The following DCDC1 variants were observed in gnomAD, a reference collection of about 807,000 sequenced individuals.
DCDC1 encodes doublecortin domain containing 1, also known as doublecortin domain-containing protein 1.
A neutral mutation model predicts 178.3 loss-of-function variants in DCDC1; 200 were observed. That is an observed-to-expected ratio of 1.12 (90% CI 1.00 to 1.26). The LOEUF (loss-of-function observed/expected upper bound fraction) is 1.26. Among genes scored for constraint, DCDC1 ranks in the 50% most tolerant of loss-of-function variants. DCDC1 has a pLI of 0.00. For missense variants in DCDC1, 1,983 were observed against 1,749.2 expected, an observed-to-expected ratio of 1.13 and a Z score of -2.38; for synonymous variants, 690 against 604.8, an observed-to-expected ratio of 1.14 and a Z score of -2.07.
At chr11:31,289,092 A>C (rs1419756499) in intron 7 of DCDC1, among the ~76,000 whole-genome samples, 1 of 152,040 alleles carries the variant, frequency 6.6e-6, no homozygotes, top group East Asian at 1.9e-4. Context: ...ATCCAGTTTT[A>C]AATAAATTCC....
intron 3 of DCDC1, among the ~76,000 whole-genome samples, chr11:31,325,022 T>TA (rs1454173135): frequency 2.0e-5 from 3 of 152,164 alleles, no homozygotes; most frequent in Non-Finnish European, 4.4e-5. Context: ...GCCAGCAGGA[T>TA]AAAAAATACT....
At chr11:31,208,642 A>G (rs1972140661) in intron 9 of DCDC1, among the ~76,000 whole-genome samples, 1 of 152,078 alleles carries the variant, frequency 6.6e-6, no homozygotes, top group Non-Finnish European at 1.5e-5. Flanking sequence ...TGCTCCACAA[A>G]GCTCTCTATG....
intron 15 of DCDC1, among the ~76,000 whole-genome samples, chr11:31,094,841 C>A (rs909995095): frequency 1.1e-4 from 17 of 151,898 alleles, no homozygotes; most frequent in Non-Finnish European, 1.9e-4. Context: ...ATGTGCAGAA[C>A]AAACAGGTTT....
chr11:30,922,549 T>C lies in DCDC1; in HGVS notation c.3087A>G (p.Ser1029=), dbSNP rs757394430. The C allele has an allele frequency of 6.3e-7, 1 of 1,583,490 alleles. No individual in the cohort carries two copies. Among genetic ancestry groups the C allele is most frequent in the Admixed American group, 1.9e-5 (1 of 52,660 alleles). Residue 1029 remains serine, a synonymous_variant, in exon 24 of 39, where the codon TCA becomes TCG. Transcript: ENST00000684477. ...KKQIFLRNLE[S]DIAKIQIFCS... ...AGAAGATTTGAATTTTGGCAATGTCTGATTCTAGGTTCCTCAGGAATATTT... is the reference window on the plus strand; with the variant it reads ...AGAAGATTTGAATTTTGGCAATGTCCGATTCTAGGTTCCTCAGGAATATTT...
At chr11:31,336,531 A>T (rs1006377968) in intron 1 of DCDC1, among the ~76,000 whole-genome samples, 14 of 152,220 alleles carry the variant, frequency 9.2e-5, no homozygotes, top group Non-Finnish European at 1.8e-4. Context: ...TGATTTTTTT[A>T]AAAAGACAAT....
rs1000513588 is a variant in DCDC1 at position 31,364,690 on chromosome 11, A to G, written c.-125+5007T>C. ...CAAACTCAACGAAAGTTCATCGATGATGACTATTGTCAAAATGGCAAAGCA... is the reference window on the plus strand; with the variant it reads ...CAAACTCAACGAAAGTTCATCGATGGTGACTATTGTCAAAATGGCAAAGCA... On this transcript the variant is annotated intron_variant, in intron 1 of 38. Coordinates refer to ENST00000684477, the MANE Select transcript of DCDC1 (RefSeq NM_001387274.1). Among the ~76,000 whole-genome samples the G allele has an allele frequency of 2.5e-4, 38 of 152,214 alleles. 1 individual carries two copies. Among genetic ancestry groups the G allele is most frequent in the African/African-American group, 8.4e-4 (35 of 41,462 alleles).
intron 20 of DCDC1, among the ~76,000 whole-genome samples, chr11:31,046,331 T>C (rs974934967): frequency 2.0e-5 from 3 of 152,072 alleles, no homozygotes; most frequent in African/African-American, 7.2e-5. Context: ...TAACCATTCA[T>C]AGGAAAAGCC....
At chr11:31,045,449 AAC>A (rs886832186) in intron 20 of DCDC1, among the ~76,000 whole-genome samples, 11 of 151,900 alleles carry the variant, frequency 7.2e-5, no homozygotes, top group African/African-American at 2.7e-4. Flanking sequence ...CTTACAGAGA[AAC>A]AGACTTCCAA....
chr11:30,876,554 A>G (rs1286455014), intron 38 of DCDC1, among the ~76,000 whole-genome samples: 1 of 152,222 alleles, frequency 6.6e-6, no homozygotes, highest in African/African-American at 2.4e-5. Context: ...AATCCCATTT[A>G]CTAGTAATAG....
chr11:31,003,069 T>A (rs1386825546), intron 20 of DCDC1, among the ~76,000 whole-genome samples: 2 of 150,722 alleles, frequency 1.3e-5, no homozygotes, highest in African/African-American at 4.9e-5. Context: ...ATAATTTGGA[T>A]GGCCACACAT....
At chr11:31,208,749 C>T (rs558855638) in intron 9 of DCDC1, among the ~76,000 whole-genome samples, 4 of 152,290 alleles carry the variant, frequency 2.6e-5, no homozygotes, top group South Asian at 4.1e-4. Flanking sequence ...TACACCAGGG[C>T]CTTTGCAATT....
intron 1 of DCDC1, among the ~76,000 whole-genome samples, chr11:31,365,352 A>T (rs934746091): frequency 6.6e-6 from 1 of 152,184 alleles, no homozygotes; most frequent in Non-Finnish European, 1.5e-5. Context: ...CATAACCATC[A>T]TATCCCATGG....
chr11:31,130,390 G>A (rs1158016418), intron 10 of DCDC1, among the ~76,000 whole-genome samples: 1 of 152,060 alleles, frequency 6.6e-6, no homozygotes, highest in African/African-American at 2.4e-5. Flanking sequence ...CCACTTCTTA[G>A]CAGAAGCTTT....
chr11:31,113,265 T>C (rs1410665945), intron 11 of DCDC1, among the ~76,000 whole-genome samples: 1 of 152,170 alleles, frequency 6.6e-6, no homozygotes, highest in Non-Finnish European at 1.5e-5. Context: ...CCTCTTCATA[T>C]AGTAATTCTG....
In DCDC1 at chr11:31,356,149, A is replaced by C. The variant is rs1175239726; in HGVS notation, c.-125+13548T>G. ...TGCCAGATAAAACTGACTTTATTTT[A>C]TAACAACAACAACAAAAAAAGAACA... On this transcript the variant is annotated intron_variant, in intron 1 of 38. Transcript: ENST00000684477. 2.6e-5 allele frequency among the ~76,000 whole-genome samples: 4 copies of C among 152,302 alleles called. No individual in the cohort carries two copies. The East Asian group carries it at 5.8e-4, about 22-fold the overall frequency.
At chr11:30,961,567 T>C (rs1949099623) in intron 20 of DCDC1, among the ~76,000 whole-genome samples, 1 of 152,062 alleles carries the variant, frequency 6.6e-6, no homozygotes, top group African/African-American at 2.4e-5. Flanking sequence ...TTTCAGTTTT[T>C]AGGATTACCT....
intron 7 of DCDC1, among the ~76,000 whole-genome samples, chr11:31,284,712 C>T (rs974645719): frequency 1.3e-5 from 2 of 151,568 alleles, no homozygotes; most frequent in African/African-American, 4.9e-5. Context: ...GATCTTGGCT[C>T]ACTGCAGCCT....
At chr11:30,984,733 G>C (rs1950557323) in intron 20 of DCDC1, among the ~76,000 whole-genome samples, 1 of 152,148 alleles carries the variant, frequency 6.6e-6, no homozygotes, top group South Asian at 2.1e-4. Context: ...GCTGTTTTTT[G>C]AAAGTCCAGG....
intron 17 of DCDC1, among the ~76,000 whole-genome samples, chr11:31,089,726 A>AT (rs1486786621): frequency 6.6e-6 from 1 of 151,828 alleles, no homozygotes; most frequent in Non-Finnish European, 1.5e-5. Context: ...GGCATTAGAC[A>AT]TGTTTAGTAT....
Sources: allele counts gnomAD v4.1 joint callset (sites outside exome capture counted in the v4.1 genomes callset), GRCh38; gene constraint gnomAD v4.1.1; transcripts MANE v1.5; gene names NCBI Gene and HGNC (gene_info 2026-07-23, HGNC 2026-07-21).